STPG2: variants seen among roughly 807,000 people sequenced by gnomAD.
STPG2 encodes sperm-tail PG-rich repeat-containing protein 2.
Under a neutral mutation model 54.2 loss-of-function variants are expected in STPG2, and 56 were observed. That is an observed-to-expected ratio of 1.03 (90% confidence interval 0.83 to 1.29). The LOEUF is 1.29. Among genes scored for constraint, STPG2 ranks in the 50% most tolerant of loss-of-function variants. The pLI is 0.00. For missense variants in STPG2, 596 were observed against 544.9 expected, an observed-to-expected ratio of 1.09 and a Z score of -0.93; for synonymous variants, 200 against 181.8, an observed-to-expected ratio of 1.10 and a Z score of -0.81.
intron 9 of STPG2, among the ~76,000 whole-genome samples, chr4:97,806,906 T>C (rs958754730): frequency 6.6e-6 from 1 of 152,180 alleles, no homozygotes; most frequent in African/African-American, 2.4e-5. Context: ...AGACAACTTC[T>C]GAGCCTTACT....
At chr4:98,045,520 T>C (rs1159717787) in intron 5 of STPG2, among the ~76,000 whole-genome samples, 1 of 152,174 alleles carries the variant, frequency 6.6e-6, no homozygotes, top group Non-Finnish European at 1.5e-5. Flanking sequence ...GCATTTCTTG[T>C]AAAACAAGTC....
chr4:97,841,031 A>T, intron 8 of STPG2, 99 bp from the exon 9 acceptor site: 1 of 1,127,962 alleles, frequency 8.9e-7, no homozygotes, highest in Non-Finnish European at 1.2e-6. Context: ...GAATAGAAAA[A>T]TCCTAATACT....
At chr4:98,081,744 C>T (rs1193657919) in intron 5 of STPG2, among the ~76,000 whole-genome samples, 1 of 152,172 alleles carries the variant, frequency 6.6e-6, no homozygotes, top group African/African-American at 2.4e-5. Context: ...TCCTTGAAAA[C>T]ATTTCAATCT....
chr4:97,629,472 C>T (rs1721190698), intron 10 of STPG2, among the ~76,000 whole-genome samples: 1 of 151,958 alleles, frequency 6.6e-6, no homozygotes, highest in Non-Finnish European at 1.5e-5. Flanking sequence ...ATGAAGATAA[C>T]AGGAAGGAAT....
At chr4:97,634,113 C>G (rs2148936301) in intron 10 of STPG2, among the ~76,000 whole-genome samples, 1 of 152,318 alleles carries the variant, frequency 6.6e-6, no homozygotes, top group Admixed American at 6.5e-5. Context: ...TTGAAGAGAG[C>G]AGGGGTTCTC....
intron 4 of STPG2, among the ~76,000 whole-genome samples, chr4:97,530,041 T>C (rs1308433111): frequency 6.6e-6 from 1 of 152,204 alleles, no homozygotes; most frequent in African/African-American, 2.4e-5. Context: ...TTAACTCCTG[T>C]GAAATAAATC....
At chr4:97,663,559 A>T (rs771523768) in intron 10 of STPG2, among the ~76,000 whole-genome samples, 1 of 152,222 alleles carries the variant, frequency 6.6e-6, no homozygotes, top group Non-Finnish European at 1.5e-5. Flanking sequence ...TTATCAAACC[A>T]ATCTTTTACA....
intron 5 of STPG2, among the ~76,000 whole-genome samples, chr4:98,033,284 C>T (rs2149301562): frequency 6.6e-6 from 1 of 152,148 alleles, no homozygotes; most frequent in Non-Finnish European, 1.5e-5. Context: ...CACCACCAAT[C>T]CCACAGAAAT....
intron 8 of STPG2, among the ~76,000 whole-genome samples, chr4:97,887,404 T>C (rs959511313): frequency 1.3e-5 from 2 of 152,164 alleles, no homozygotes; most frequent in East Asian, 3.9e-4. Flanking sequence ...GGAGTAACAA[T>C]CACTTTCGTT....
At chr4:97,660,638 G>A (rs963152040) in intron 10 of STPG2, among the ~76,000 whole-genome samples, 3 of 152,092 alleles carry the variant, frequency 2.0e-5, no homozygotes, top group African/African-American at 7.2e-5. Context: ...CACACGCAAG[G>A]CAAGTATAAT....
intron 4 of STPG2, chr4:97,490,002 A>C (rs1211061391): frequency 6.6e-6 from 1 of 151,538 alleles, no homozygotes; most frequent in Non-Finnish European, 1.5e-5. Flanking sequence ...TTAGATGGTC[A>C]AGACCTCATA....
At chr4:97,686,475 T>C (rs760340433) in intron 10 of STPG2, among the ~76,000 whole-genome samples, 1 of 152,144 alleles carries the variant, frequency 6.6e-6, no homozygotes, top group Non-Finnish European at 1.5e-5. Flanking sequence ...TTGCTTCTTG[T>C]TTTAATTAGG....
At chr4:98,090,589 G>GA (rs1221559710) in intron 5 of STPG2, among the ~76,000 whole-genome samples, 5 of 151,986 alleles carry the variant, frequency 3.3e-5, no homozygotes, top group Admixed American at 3.3e-4. Flanking sequence ...TTAATTCTGT[G>GA]AAGAATGATG....
At chr4:97,443,028 C>T (rs1186351406) in intron 4 of STPG2, among the ~76,000 whole-genome samples, 1 of 152,098 alleles carries the variant, frequency 6.6e-6, no homozygotes, top group Non-Finnish European at 1.5e-5. Flanking sequence ...CAAAGAATAA[C>T]TTGTTGCAGT....
chr4:97,908,249 A>C (rs2149196468), intron 8 of STPG2, among the ~76,000 whole-genome samples: 1 of 152,282 alleles, frequency 6.6e-6, no homozygotes, highest in African/African-American at 2.4e-5. Flanking sequence ...ATGCAGCCAA[A>C]AAACACATGA....
At chr4:98,115,344 C>T (rs903883347) in intron 3 of STPG2, among the ~76,000 whole-genome samples, 1 of 151,962 alleles carries the variant, frequency 6.6e-6, no homozygotes, top group African/African-American at 2.4e-5. Flanking sequence ...ACAAACTTTG[C>T]TTGTGAAATA....
At chr4:97,635,424 T>C (rs1721477674) in intron 10 of STPG2, among the ~76,000 whole-genome samples, 1 of 152,174 alleles carries the variant, frequency 6.6e-6, no homozygotes, top group East Asian at 1.9e-4. Context: ...AGGAAGAAAC[T>C]GCATCAACTA....
intron 8 of STPG2, among the ~76,000 whole-genome samples, chr4:97,930,442 C>T (rs34916200): frequency 0.39 from 59,358 of 151,928 alleles, 11,713 homozygotes; most frequent in Middle Eastern, 0.46. Flanking sequence ...GAATGTTTTC[C>T]CCATTGCTTG....
intron 4 of STPG2, among the ~76,000 whole-genome samples, chr4:97,544,100 T>C (rs1731781024): frequency 6.6e-6 from 1 of 152,082 alleles, no homozygotes; most frequent in African/African-American, 2.4e-5. Flanking sequence ...TCCTAACAAA[T>C]TTAACTAAGC....
Sources: gnomAD v4.1 joint callset for allele counts (sites outside exome capture counted in the v4.1 genomes callset) on GRCh38, gnomAD v4.1.1 for gene constraint, MANE v1.5 for transcripts, NCBI Gene and HGNC (gene_info 2026-07-23, HGNC 2026-07-21) for gene names.